PATJ: variants seen among roughly 807,000 people sequenced by gnomAD.
The protein encoded by PATJ is inaD-like protein.
PATJ carries 190 observed loss-of-function variants against 224.9 expected under a neutral mutation model. That is an observed-to-expected ratio of 0.84 (90% CI 0.75 to 0.95). PATJ has a LOEUF of 0.95. Among genes scored for constraint, PATJ ranks in the 40% least tolerant of loss-of-function variants. The pLI, the probability that PATJ is intolerant of heterozygous loss-of-function variation, is 0.00. For missense variants in PATJ, 2,121 were observed against 2,270.3 expected (o/e 0.93, Z 1.34); for synonymous variants, 769 against 820.3 (o/e 0.94, Z 1.07).
Position 62,050,971 on chromosome 1 carries a change from G to C in PATJ, c.4038G>C (p.Gln1346His), listed in dbSNP as rs112618487. The C allele has an allele frequency of 2.5e-6, 4 of 1,613,390 alleles. No individual in the cohort carries two copies. In the African/African-American group the frequency reaches 4.0e-5, roughly 16 times the overall value. Residue 1346 changes from glutamine (Q) to histidine (H), a missense_variant, in exon 31 of 44, where the codon CAG becomes CAC. Coordinates refer to ENST00000642238, the MANE Select transcript of PATJ (RefSeq NM_001350145.3). ...TTCTTTTTAACGTTCCATAGGATCA[G>C]AGCGGCACCGAACCTATTAGTAGTG... The part of the protein sequence containing the change: ...PSSSPSSIED[Q>H]SGTEPISSEE...
rs191339241 is a variant in PATJ at position 62,093,993 on chromosome 1, A to G, written c.4377+9345A>G. 2.0e-5 allele frequency among the ~76,000 whole-genome samples: 3 copies of G among 152,334 alleles called. No homozygotes were observed. In the East Asian group the frequency reaches 5.8e-4, roughly 29 times the overall value. ...ATTTACAGCAGTTCTTATGTTAGCC[A>G]TGTATTGCTGTGATTTTATTTCACA... On this transcript the variant is annotated intron_variant, in intron 33 of 43. Coordinates refer to ENST00000642238, the MANE Select transcript of PATJ (RefSeq NM_001350145.3).
At chr1:61,931,308 A>C (rs916772549) in intron 27 of PATJ, among the ~76,000 whole-genome samples, 1 of 152,224 alleles carries the variant, frequency 6.6e-6, no homozygotes, top group African/African-American at 2.4e-5. Context: ...AAAGATTATA[A>C]ACAATCAGAT....
At chr1:61,859,591 C>T (rs942440964) in intron 18 of PATJ, among the ~76,000 whole-genome samples, 6 of 151,712 alleles carry the variant, frequency 4.0e-5, no homozygotes, top group East Asian at 1.9e-4. Flanking sequence ...GTAAAATTGA[C>T]GGCCACTTAT....
At chr1:61,743,561 G>A (rs935427841) in intron 1 of PATJ, among the ~76,000 whole-genome samples, 1 of 152,194 alleles carries the variant, frequency 6.6e-6, no homozygotes, top group Admixed American at 6.5e-5. Flanking sequence ...GACAATGTCG[G>A]TTCCACTGAG....
intron 11 of PATJ, among the ~76,000 whole-genome samples, chr1:61,799,671 T>A (rs1393712520): frequency 1.3e-5 from 2 of 152,164 alleles, no homozygotes; most frequent in Non-Finnish European, 2.9e-5. Context: ...GTGAACATCA[T>A]ACTGAATATG....
At chr1:61,842,556 A>G (rs1485863562) in intron 17 of PATJ, among the ~76,000 whole-genome samples, 1 of 152,084 alleles carries the variant, frequency 6.6e-6, no homozygotes, top group Non-Finnish European at 1.5e-5. Context: ...ACCTTTAGTG[A>G]GTGTTTCAGA....
chr1:61,810,696 C>CAAA (rs1387818189), intron 14 of PATJ, among the ~76,000 whole-genome samples: 5 of 125,906 alleles, frequency 4.0e-5, no homozygotes, highest in African/African-American at 1.3e-4. Context: ...GACTCTGTCT[C>CAAA]AAAAAATAAA....
chr1:62,126,397 T>C (rs531841106), intron 39 of PATJ, among the ~76,000 whole-genome samples: 18 of 152,314 alleles, frequency 1.2e-4, no homozygotes, highest in African/African-American at 3.6e-4. Context: ...TTTCTTTTTG[T>C]TTCAGAGGCC....
chr1:62,073,919 A>T (rs1307692501), intron 31 of PATJ, among the ~76,000 whole-genome samples: 1 of 152,134 alleles, frequency 6.6e-6, no homozygotes, highest in Admixed American at 6.5e-5. Context: ...TGTTCCTTAC[A>T]TTTGAATTTC....
At position 61,805,438 on chromosome 1, in the gene PATJ, T is replaced by A. The variant is rs774391807; in HGVS notation, c.1550-10T>A. 3 of 1,564,398 alleles carry A rather than the reference T, an allele frequency of 1.9e-6. No individual in the cohort carries two copies. The highest frequency in any genetic ancestry group is 2.6e-6 in the Non-Finnish European group (3 of 1,137,124). ...TTCTCTCGCTCTCTCTCTTTTTTTT[T>A]AATATCCAGAAAAAGTCCCAGACTC... On this transcript the variant is annotated splice_polypyrimidine_tract_variant and intron_variant, in intron 12 of 43. Transcript: ENST00000642238.
At chr1:61,919,223 TA>T (rs1209422509) in intron 26 of PATJ, among the ~76,000 whole-genome samples, 1 of 152,134 alleles carries the variant, frequency 6.6e-6, no homozygotes, top group African/African-American at 2.4e-5. Context: ...TTTCACCCCT[TA>T]ATAATCTTTA....
At chr1:61,786,967 C>G (rs1352577270) in intron 7 of PATJ, among the ~76,000 whole-genome samples, 2 of 151,534 alleles carry the variant, frequency 1.3e-5, no homozygotes, top group Admixed American at 6.6e-5. Flanking sequence ...GCCTGGGCAA[C>G]AGAGTGAGAT....
chr1:61,931,997 T>G (rs1676104110), intron 27 of PATJ, among the ~76,000 whole-genome samples: 1 of 152,232 alleles, frequency 6.6e-6, no homozygotes, highest in Admixed American at 6.5e-5. Flanking sequence ...TTATTCTATT[T>G]CATGTTTTTA....
intron 22 of PATJ, among the ~76,000 whole-genome samples, chr1:61,896,781 T>C (rs1006557160): frequency 5.3e-5 from 8 of 152,140 alleles, no homozygotes; most frequent in Admixed American, 1.3e-4. Context: ...TCTCACGAGA[T>C]CTGATGATTT....
At chr1:61,852,426 T>C (rs990224179) in intron 17 of PATJ, 2 of 152,114 alleles carry the variant, frequency 1.3e-5, no homozygotes, top group African/African-American at 4.8e-5. Context: ...TGATGAAAGG[T>C]GATAAAAACT....
intron 27 of PATJ, among the ~76,000 whole-genome samples, chr1:61,968,465 G>C: frequency 6.6e-6 from 1 of 152,030 alleles, no homozygotes; most frequent in East Asian, 1.9e-4. Flanking sequence ...ACCATTTTAA[G>C]TGTACAGTTT....
chr1:61,972,466 G>C (rs1023627147), intron 27 of PATJ, among the ~76,000 whole-genome samples: 1 of 151,998 alleles, frequency 6.6e-6, no homozygotes, highest in African/African-American at 2.4e-5. Flanking sequence ...TCATTTAAAA[G>C]TTAAATGTTA....
chr1:62,086,556 C>T lies in PATJ; in HGVS notation c.4377+1908C>T, dbSNP rs932621287. Among the ~76,000 whole-genome samples, 4 of 152,088 alleles carry T rather than the reference C, an allele frequency of 2.6e-5. No homozygotes were observed. The highest frequency in any genetic ancestry group is 9.7e-5 in the African/African-American group (4 of 41,406). ...TACATGCCAGATAAAACAAACATATCAGGGTCTATAAAACTATTTTTTTCC... is the reference window on the plus strand; with the variant it reads ...TACATGCCAGATAAAACAAACATATTAGGGTCTATAAAACTATTTTTTTCC... On this transcript the variant is annotated intron_variant, in intron 33 of 43. Transcript: ENST00000642238. This position sits in a 1 kb window ranked among gnomAD's most constrained non-coding sequence, Gnocchi z 4.0.
chr1:62,006,175 C>T (rs898156783), intron 28 of PATJ, among the ~76,000 whole-genome samples: 1 of 152,112 alleles, frequency 6.6e-6, no homozygotes, highest in African/African-American at 2.4e-5. Flanking sequence ...AGTGCAATGG[C>T]GCAATCTCGG....
Sources: gnomAD v4.1 joint callset for allele counts (sites outside exome capture counted in the v4.1 genomes callset) on GRCh38, gnomAD v4.1.1 for gene constraint, Gnocchi (gnomAD v3.1) non-coding constraint, MANE v1.5 for transcripts, NCBI Gene and HGNC (gene_info 2026-07-23, HGNC 2026-07-21) for gene names.